CTNNA3: variants seen among roughly 807,000 people sequenced by gnomAD.
CTNNA3 encodes catenin alpha-3.
Under a neutral mutation model 95.7 loss-of-function variants are expected in CTNNA3, and 76 were observed. The ratio of observed to expected loss-of-function variants is 0.79; its 90% CI spans 0.66 to 0.96. The LOEUF is 0.96. CTNNA3 is among the 40% of genes least tolerant of loss of function. The pLI is 0.00. For synonymous variants in CTNNA3, 431 were observed against 374.4 expected (o/e 1.15, Z -1.74); for missense variants, 1,191 against 1,089.8 (o/e 1.09, Z -1.31).
At chr10:66,063,824 G>A (rs1303266245) in intron 15 of CTNNA3, among the ~76,000 whole-genome samples, 1 of 151,858 alleles carries the variant, frequency 6.6e-6, no homozygotes, top group African/African-American at 2.4e-5. Flanking sequence ...AATTTAAAAT[G>A]CATATAATGC....
At chr10:66,487,241 G>C (rs35830174) in intron 11 of CTNNA3, among the ~76,000 whole-genome samples, 2 of 112,556 alleles carry the variant, frequency 1.8e-5, no homozygotes, top group African/African-American at 7.1e-5. Flanking sequence ...TCACTCTTTC[G>C]CCCAGGCTGG....
At chr10:67,683,374 C>T (rs1054848784) in intron 1 of CTNNA3, among the ~76,000 whole-genome samples, 2 of 152,192 alleles carry the variant, frequency 1.3e-5, no homozygotes, top group East Asian at 1.9e-4. Flanking sequence ...TGGTATTTAT[C>T]TCCAGACTAA....
intron 4 of CTNNA3, among the ~76,000 whole-genome samples, chr10:67,523,508 C>A (rs1011269788): frequency 6.6e-6 from 1 of 152,110 alleles, no homozygotes; most frequent in Non-Finnish European, 1.5e-5. Flanking sequence ...TCTACTCTAT[C>A]CTTAACTCTA....
intron 9 of CTNNA3, among the ~76,000 whole-genome samples, chr10:66,664,998 A>G (rs903740484): frequency 1.3e-5 from 2 of 152,082 alleles, no homozygotes; most frequent in Non-Finnish European, 2.9e-5. Flanking sequence ...ACAAATACAC[A>G]GAGCGGATAA....
At position 65,915,471 on chromosome 10, in the gene CTNNA3, T is replaced by C. The variant is rs2076995492; in HGVS notation, c.*4859A>G. ...TCCCTACCTCTGGCACCTTCTTATT[T>C]GTTGTGCCTTTAGACTACTCCGTAT... On this transcript the variant is annotated 3_prime_UTR_variant, in exon 18 of 18. Coordinates refer to ENST00000433211, the MANE Select transcript of CTNNA3 (RefSeq NM_013266.4). 1 of 152,186 alleles carries C rather than the reference T, an allele frequency of 6.6e-6. No homozygotes were observed. The highest frequency in any genetic ancestry group is 1.9e-4 in the East Asian group (1 of 5,182). 9.4% of individuals were successfully genotyped at this position (152,186 alleles called of 1,614,324 possible).
Position 66,344,175 on chromosome 10 carries a change from C to T in CTNNA3, c.1732+34977G>A, listed in dbSNP as rs190031451. On this transcript the variant is annotated intron_variant, in intron 12 of 17. Coordinates refer to ENST00000433211, the MANE Select transcript of CTNNA3 (RefSeq NM_013266.4). ...CCCAGAGGCAGAGGTTGTAGTGAGC[C>T]GAGATCGCACCATTGCACTCCAGCC... Among the ~76,000 whole-genome samples the T allele has an allele frequency of 3.4e-3, 498 of 146,276 alleles. 4 individuals are homozygous for T. Among genetic ancestry groups the T allele is most frequent in the African/African-American group, 0.012 (464 of 39,786 alleles).
intron 12 of CTNNA3, among the ~76,000 whole-genome samples, chr10:66,370,172 C>T (rs2092743670): frequency 6.6e-6 from 1 of 152,028 alleles, no homozygotes; most frequent in Admixed American, 6.6e-5. Flanking sequence ...CCTTGAACCT[C>T]GAATTAAGTT....
chr10:66,394,009 T>C (rs1364707967), intron 11 of CTNNA3, among the ~76,000 whole-genome samples: 5 of 152,080 alleles, frequency 3.3e-5, no homozygotes, highest in African/African-American at 1.2e-4. Context: ...GGGAAAATCA[T>C]AGGTTTAAAA....
intron 15 of CTNNA3, among the ~76,000 whole-genome samples, chr10:66,040,464 A>G (rs2079662472): frequency 6.6e-6 from 1 of 151,904 alleles, no homozygotes; most frequent in South Asian, 2.1e-4. Flanking sequence ...TAGCAAAGAC[A>G]TGGAATCAAC....
chr10:67,066,558 T>C (rs1244097868), intron 7 of CTNNA3, among the ~76,000 whole-genome samples: 3 of 146,822 alleles, frequency 2.0e-5, no homozygotes, highest in African/African-American at 7.5e-5. Flanking sequence ...AAAAGGTACA[T>C]ACACACCAAC....
At chr10:67,070,410 C>T (rs1030411769) in intron 7 of CTNNA3, among the ~76,000 whole-genome samples, 1 of 151,222 alleles carries the variant, frequency 6.6e-6, no homozygotes, top group African/African-American at 2.4e-5. Flanking sequence ...TAATATAAAC[C>T]AATCTCTCTC....
chr10:67,204,418 T>C (rs1260542077), intron 6 of CTNNA3, among the ~76,000 whole-genome samples: 1 of 152,054 alleles, frequency 6.6e-6, no homozygotes, highest in Non-Finnish European at 1.5e-5. Context: ...GACATACCTA[T>C]TTCCCCTTCA....
At chr10:66,913,083 C>CA (rs1332338645) in intron 7 of CTNNA3, among the ~76,000 whole-genome samples, 1 of 151,072 alleles carries the variant, frequency 6.6e-6, no homozygotes, top group African/African-American at 2.4e-5. Context: ...ACTAAAAATA[C>CA]AAAAAATTAG....
intron 12 of CTNNA3, among the ~76,000 whole-genome samples, chr10:66,310,591 T>C (rs71193760): frequency 0.27 from 40,705 of 151,324 alleles, 5,565 homozygotes; most frequent in Admixed American, 0.34. Flanking sequence ...TGTGTTTTCA[T>C]CATGCCTGAA....
At chr10:66,207,319 A>AT (rs1491133400) in intron 13 of CTNNA3, among the ~76,000 whole-genome samples, 1 of 151,894 alleles carries the variant, frequency 6.6e-6, no homozygotes, top group African/African-American at 2.4e-5. Context: ...AAAACAAAAC[A>AT]TGTGTCTAGG....
rs999602127 is a variant in CTNNA3 at position 66,007,739 on chromosome 10, T to C, written c.2160-18942A>G. 2.4e-4 allele frequency among the ~76,000 whole-genome samples: 7 copies of C among 28,626 alleles called. No homozygotes were observed. In the East Asian group the frequency reaches 0.013, roughly 53 times the overall value. 18.8% of individuals were successfully genotyped at this position (28,626 alleles called of 152,430 possible). Reference sequence around the variant, plus strand: ...CTCCCTCCCTCCCTTTCTTCCTCCCTACCTTCCTTTCCCCCTCCCTCCCTC... The same window carrying C: ...CTCCCTCCCTCCCTTTCTTCCTCCCCACCTTCCTTTCCCCCTCCCTCCCTC... On this transcript the variant is annotated intron_variant, in intron 15 of 17. Transcript: ENST00000433211.
chr10:66,656,271 A>G (rs567676099), intron 9 of CTNNA3, among the ~76,000 whole-genome samples: 1 of 152,284 alleles, frequency 6.6e-6, no homozygotes, highest in Admixed American at 6.5e-5. Flanking sequence ...GACAGGCAGC[A>G]GCAAATAACG....
At chr10:66,275,365 A>AGT (rs1361563907) in intron 13 of CTNNA3, among the ~76,000 whole-genome samples, 12 of 152,166 alleles carry the variant, frequency 7.9e-5, no homozygotes. Flanking sequence ...CAATCCGCCC[A>AGT]CCTTGGCCTC....
At chr10:67,371,581 G>T (rs1191678778) in intron 5 of CTNNA3, among the ~76,000 whole-genome samples, 2 of 152,152 alleles carry the variant, frequency 1.3e-5, no homozygotes, top group Non-Finnish European at 2.9e-5. Context: ...TGGTGTCATA[G>T]TATTCCATGG....
Sources: allele counts gnomAD v4.1 joint callset (sites outside exome capture counted in the v4.1 genomes callset), GRCh38; gene constraint gnomAD v4.1.1; transcripts MANE v1.5; gene names NCBI Gene and HGNC (gene_info 2026-07-23, HGNC 2026-07-21).